DPF3: variants seen among roughly 807,000 people sequenced by gnomAD.
The protein encoded by DPF3 is double PHD fingers 3, also known as zinc finger protein DPF3.
A neutral mutation model predicts 56.8 loss-of-function variants in DPF3; 18 were observed. The observed-to-expected ratio is 0.32, with a 90% CI of 0.22 to 0.47. The LOEUF is 0.47. Ranked by LOEUF, DPF3 falls within the 20% of genes least tolerant of loss-of-function variation. DPF3 has a pLI of 1.00. For synonymous variants in DPF3, 188 were observed against 180.2 expected, an observed-to-expected ratio of 1.04 and a Z score of -0.35; for missense variants, 403 against 488.8, an observed-to-expected ratio of 0.82 and a Z score of 1.65.
intron 1 of DPF3, among the ~76,000 whole-genome samples, chr14:72,851,777 C>G (rs1444853249): frequency 6.6e-6 from 1 of 152,198 alleles, no homozygotes; most frequent in African/African-American, 2.4e-5. Context: ...TCTGTTCCTC[C>G]CCGTGTGGGT....
At chr14:72,853,169 G>A (rs1885050124) in intron 1 of DPF3, 1 of 150,952 alleles carries the variant, frequency 6.6e-6, no homozygotes, top group Non-Finnish European at 1.5e-5. Flanking sequence ...TTTTTTTCTT[G>A]TTTTATGTTC....
intron 8 of DPF3, among the ~76,000 whole-genome samples, chr14:72,641,529 A>T (rs114131502): frequency 0.011 from 1,731 of 152,288 alleles, 35 homozygotes; most frequent in African/African-American, 0.04. Flanking sequence ...CTTGCCCACA[A>T]GGCTGGGGCA....
chr14:72,793,337 C>G (rs1227313768), intron 1 of DPF3, among the ~76,000 whole-genome samples: 1 of 152,218 alleles, frequency 6.6e-6, no homozygotes, highest in Non-Finnish European at 1.5e-5. Flanking sequence ...AGGGGAGAGA[C>G]AGCTGAGGTC....
chr14:72,643,551 C>T lies in DPF3; in HGVS notation c.872-13815G>A, dbSNP rs1411822320. The stretch of plus-strand genomic sequence containing the variant: ...AGCCTATGGTGGTGTTACTGGGCTT[C>T]GGCTCCTGACAGAAGCTCCTCAGCC... On this transcript the variant is annotated intron_variant, in intron 8 of 10. Coordinates refer to ENST00000556509, the MANE Select transcript of DPF3 (RefSeq NM_001280542.3). Among the ~76,000 whole-genome samples, 9 of 152,350 alleles carry T rather than the reference C, an allele frequency of 5.9e-5. No homozygotes were observed. The East Asian group carries it at 1.4e-3, about 23-fold the overall frequency.
At chr14:72,806,145 G>A (rs985456264) in intron 1 of DPF3, 2 of 152,060 alleles carry the variant, frequency 1.3e-5, no homozygotes, top group African/African-American at 4.8e-5. Flanking sequence ...ATTCCTTAAC[G>A]TTTACTGAAA....
At chr14:72,668,893 A>C (rs1049298406) in intron 8 of DPF3, among the ~76,000 whole-genome samples, 2 of 152,234 alleles carry the variant, frequency 1.3e-5, no homozygotes, top group African/African-American at 4.8e-5. Flanking sequence ...AATGACAGCA[A>C]GTGTACATTG....
intron 2 of DPF3, among the ~76,000 whole-genome samples, chr14:72,769,091 A>G (rs1024118157): frequency 1.3e-5 from 2 of 152,142 alleles, no homozygotes; most frequent in African/African-American, 4.8e-5. Context: ...ATTGAATGGG[A>G]TGTATCAACA....
At chr14:72,892,227 G>T in intron 1 of DPF3, 1 of 1,535,490 alleles carries the variant, frequency 6.5e-7, no homozygotes, top group Non-Finnish European at 8.7e-7. Context: ...GGCTGGAAAT[G>T]GGGAAACTGA....
At chr14:72,785,684 C>T (rs1010221067) in intron 1 of DPF3, among the ~76,000 whole-genome samples, 11 of 152,172 alleles carry the variant, frequency 7.2e-5, no homozygotes, top group Non-Finnish European at 2.9e-5. Context: ...CAGAAATAAA[C>T]CTTCTTATCA....
intron 7 of DPF3, among the ~76,000 whole-genome samples, chr14:72,686,885 A>C (rs781454457): frequency 6.6e-5 from 10 of 152,174 alleles, no homozygotes; most frequent in Non-Finnish European, 1.3e-4. Context: ...AAAATTTCTA[A>C]GCTTGTTTCA....
intron 8 of DPF3, among the ~76,000 whole-genome samples, chr14:72,636,493 C>T: frequency 6.6e-6 from 1 of 152,276 alleles, no homozygotes; most frequent in East Asian, 1.9e-4. Context: ...TTCCCTCCCC[C>T]TCTCTTCATG....
intron 8 of DPF3, among the ~76,000 whole-genome samples, chr14:72,642,898 G>C (rs548543991): frequency 6.6e-6 from 1 of 152,330 alleles, no homozygotes; most frequent in East Asian, 1.9e-4. Flanking sequence ...AGCCATGTTT[G>C]GATACTTTAA....
intron 2 of DPF3, among the ~76,000 whole-genome samples, chr14:72,763,626 A>G (rs945136659): frequency 6.6e-6 from 1 of 152,190 alleles, no homozygotes; most frequent in African/African-American, 2.4e-5. Context: ...ACCTAAAATT[A>G]TAAAATTTTA....
At chr14:72,836,310 A>G (rs1884292343) in intron 1 of DPF3, 3 of 985,470 alleles carry the variant, frequency 3.0e-6, no homozygotes, top group Non-Finnish European at 3.6e-6. Context: ...TCCCAGGGCA[A>G]CCCTGGATAA....
intron 8 of DPF3, among the ~76,000 whole-genome samples, chr14:72,634,757 G>A (rs1885339056): frequency 6.6e-6 from 1 of 151,508 alleles, no homozygotes; most frequent in African/African-American, 2.4e-5. Context: ...TTTTTTCATA[G>A]CCCCAGTTTT....
At chr14:72,691,372 G>A (rs1006179254) in intron 7 of DPF3, among the ~76,000 whole-genome samples, 1 of 152,326 alleles carries the variant, frequency 6.6e-6, no homozygotes. Flanking sequence ...ATTTAAAGAG[G>A]TAAAGTTAAA....
chr14:72,632,978 G>A (rs923381867), intron 8 of DPF3, among the ~76,000 whole-genome samples: 4 of 152,134 alleles, frequency 2.6e-5, no homozygotes, highest in Admixed American at 2.6e-4. Context: ...CTAGTTAGGA[G>A]GCTAATGCAG....
At chr14:72,763,171 A>G (rs1177960806) in intron 2 of DPF3, among the ~76,000 whole-genome samples, 3 of 152,042 alleles carry the variant, frequency 2.0e-5, no homozygotes, top group East Asian at 1.9e-4. Context: ...AAAATTGTCA[A>G]TTTTCCCCAA....
intron 1 of DPF3, among the ~76,000 whole-genome samples, chr14:72,777,724 C>T (rs1420776347): frequency 2.0e-5 from 3 of 152,026 alleles, no homozygotes; most frequent in Non-Finnish European, 4.4e-5. Context: ...GTGTATGGTG[C>T]CTCCCTGCTG....
Sources: gnomAD v4.1 joint callset for allele counts (sites outside exome capture counted in the v4.1 genomes callset) on GRCh38, gnomAD v4.1.1 for gene constraint, MANE v1.5 for transcripts, NCBI Gene and HGNC (gene_info 2026-07-23, HGNC 2026-07-21) for gene names.